RBFOX1: variants seen among roughly 807,000 people sequenced by gnomAD.
RBFOX1 encodes the protein RNA binding protein fox-1 homolog 1.
In RBFOX1, 8 loss-of-function variants were observed where a neutral mutation model predicts 57.7. The observed-to-expected ratio is 0.14, with a 90% confidence interval of 0.08 to 0.25. RBFOX1 has a LOEUF of 0.25. RBFOX1 is among the 10% of genes least tolerant of loss of function. The pLI is 1.00. For synonymous variants in RBFOX1, 326 were observed against 222.4 expected, an observed-to-expected ratio of 1.47 and a Z score of -4.15; for missense variants, 611 against 548.5, an observed-to-expected ratio of 1.11 and a Z score of -1.14.
At chr16:5,613,519 G>A (rs1011831213) in intron 3 of RBFOX1, among the ~76,000 whole-genome samples, 24 of 152,150 alleles carry the variant, frequency 1.6e-4, no homozygotes, top group African/African-American at 5.8e-4. Context: ...GAGGGCAGAG[G>A]GGAATGAGAG....
chr16:7,082,551 G>C (rs546869342), intron 4 of RBFOX1, among the ~76,000 whole-genome samples: 2 of 149,422 alleles, frequency 1.3e-5, no homozygotes, highest in Non-Finnish European at 3.0e-5. Context: ...GACAGAGTGA[G>C]ACCATGTCTC....
chr16:7,458,764 C>G lies in RBFOX1; in HGVS notation c.28-59383C>G, dbSNP rs571107626. On this transcript the variant is annotated intron_variant, in intron 4 of 15. Transcript: ENST00000550418. ...TTCAGATAAGACCTCCTTGACTCCT[C>G]CATTAAAATCAGACCCCCTCTTCAC... Among the ~76,000 whole-genome samples, 14 of 152,264 alleles carry G rather than the reference C, an allele frequency of 9.2e-5. No homozygotes were observed. The South Asian group carries it at 2.3e-3, about 25-fold the overall frequency.
At chr16:5,269,313 AGCATCTTTTCATGTGCTTATTG>A (rs1198973863) in intron 1 of RBFOX1, among the ~76,000 whole-genome samples, 1 of 152,250 alleles carries the variant, frequency 6.6e-6, no homozygotes, top group Non-Finnish European at 1.5e-5. Context: ...AATTTCATTG[AGCATCTTTTCATGTGCTTATTG>A]GCCACTTATA....
At chr16:5,742,023 G>C (rs1197856412) in intron 3 of RBFOX1, among the ~76,000 whole-genome samples, 1 of 152,106 alleles carries the variant, frequency 6.6e-6, no homozygotes, top group Non-Finnish European at 1.5e-5. Flanking sequence ...GAGAATTTTA[G>C]AAATAAGAGA....
In RBFOX1 at chr16:6,019,840, C is replaced by A; in HGVS notation, c.-279C>A. 6.6e-7 allele frequency: 1 copy of A among 1,524,696 alleles called. No individual in the cohort carries two copies. The highest frequency in any genetic ancestry group is 8.8e-7 in the Non-Finnish European group (1 of 1,140,394). 94.4% of individuals were successfully genotyped at this position (1,524,696 alleles called of 1,614,324 possible). ...GGCGCGCCAGGGCGGGGCTGACCTG[C>A]CCGCGAAGTTGCGGACAGTGCGTGA... On this transcript the variant is annotated 5_prime_UTR_variant, in exon 1 of 16. Coordinates refer to ENST00000550418, the MANE Select transcript of RBFOX1 (RefSeq NM_018723.4). This position sits in a 1 kb window ranked among gnomAD's most constrained non-coding sequence, Gnocchi z 4.2.
intron 2 of RBFOX1, among the ~76,000 whole-genome samples, chr16:5,557,440 G>T (rs1282695271): frequency 1.3e-5 from 2 of 152,026 alleles, no homozygotes; most frequent in Non-Finnish European, 2.9e-5. Flanking sequence ...AATAAACAGG[G>T]TAACAAAACT....
At position 7,373,347 on chromosome 16, in the gene RBFOX1, A is replaced by G. The variant is rs189081900; in HGVS notation, c.28-144800A>G. ...TCACAATACATGTTATAGTAAAGACAGTCTTTTGAAGCAAAGCTACAGGTA... is the reference window on the plus strand; with the variant it reads ...TCACAATACATGTTATAGTAAAGACGGTCTTTTGAAGCAAAGCTACAGGTA... On this transcript the variant is annotated intron_variant, in intron 4 of 15. Coordinates refer to ENST00000550418, the MANE Select transcript of RBFOX1 (RefSeq NM_018723.4). 2.4e-3 allele frequency among the ~76,000 whole-genome samples: 363 copies of G among 152,326 alleles called. 2 individuals carry two copies. Among genetic ancestry groups the G allele is most frequent in the African/African-American group, 8.2e-3 (342 of 41,590 alleles).
intron 3 of RBFOX1, among the ~76,000 whole-genome samples, chr16:5,855,112 T>G (rs2056992444): frequency 6.6e-6 from 1 of 152,254 alleles, no homozygotes; most frequent in South Asian, 2.1e-4. Flanking sequence ...GTGCCTCATA[T>G]ATTTTGAATA....
intron 4 of RBFOX1, among the ~76,000 whole-genome samples, chr16:7,383,718 A>G (rs983538602): frequency 2.6e-5 from 4 of 152,228 alleles, no homozygotes; most frequent in African/African-American, 7.2e-5. Context: ...ACGCCTATTC[A>G]AAGGGTATTC....
chr16:5,381,219 G>T (rs76065136), intron 1 of RBFOX1, among the ~76,000 whole-genome samples: 12 of 152,212 alleles, frequency 7.9e-5, no homozygotes, highest in African/African-American at 2.7e-4. Flanking sequence ...TCAGTAAAAG[G>T]CAGGGCAGAC....
intron 1 of RBFOX1, among the ~76,000 whole-genome samples, chr16:6,151,238 G>C (rs1451190429): frequency 2.0e-5 from 3 of 152,124 alleles, no homozygotes; most frequent in Non-Finnish European, 4.4e-5. Context: ...GGAACCCCGC[G>C]ACACCATTTG....
intron 2 of RBFOX1, among the ~76,000 whole-genome samples, chr16:6,431,260 A>G (rs979920980): frequency 6.6e-6 from 1 of 152,026 alleles, no homozygotes; most frequent in East Asian, 1.9e-4. Flanking sequence ...AGGAGGGAGA[A>G]TAGAGGATCC....
chr16:6,800,279 C>A (rs529962336), intron 3 of RBFOX1, among the ~76,000 whole-genome samples: 1 of 150,440 alleles, frequency 6.6e-6, no homozygotes, highest in East Asian at 1.9e-4. Context: ...AAACCCAGCA[C>A]CCTGGAAACA....
intron 2 of RBFOX1, among the ~76,000 whole-genome samples, chr16:6,330,761 G>T (rs1238609475): frequency 6.6e-6 from 1 of 152,194 alleles, no homozygotes; most frequent in African/African-American, 2.4e-5. Context: ...CACAGTGAGT[G>T]CTGCAATGTA....
intron 1 of RBFOX1, among the ~76,000 whole-genome samples, chr16:6,130,688 C>G (rs913005594): frequency 2.6e-5 from 4 of 152,128 alleles, no homozygotes; most frequent in African/African-American, 9.6e-5. Context: ...AAAACTATAT[C>G]CCATATGAAT....
intron 3 of RBFOX1, among the ~76,000 whole-genome samples, chr16:5,856,466 A>C (rs560638711): frequency 1.2e-4 from 17 of 137,306 alleles, no homozygotes; most frequent in East Asian, 6.3e-4. Context: ...CATTAATGAG[A>C]TCCTCAGAGC....
At chr16:7,603,276 C>G (rs1228165430) in intron 9 of RBFOX1, among the ~76,000 whole-genome samples, 2 of 152,112 alleles carry the variant, frequency 1.3e-5, no homozygotes, top group East Asian at 1.9e-4. Flanking sequence ...AACTATATTC[C>G]TTTAGTTTCT....
chr16:5,902,667 C>G (rs896735227), intron 4 of RBFOX1, among the ~76,000 whole-genome samples: 1 of 152,148 alleles, frequency 6.6e-6, no homozygotes, highest in Non-Finnish European at 1.5e-5. Flanking sequence ...CTGCATACCT[C>G]GGCCTCCCAA....
chr16:6,499,383 A>C (rs1034372969), intron 2 of RBFOX1, among the ~76,000 whole-genome samples: 3 of 152,190 alleles, frequency 2.0e-5, no homozygotes, highest in East Asian at 1.9e-4. Flanking sequence ...GTGTAAAAAA[A>C]AAAGGTATGA....
Sources: allele counts gnomAD v4.1 joint callset (sites outside exome capture counted in the v4.1 genomes callset), GRCh38; gene constraint gnomAD v4.1.1; non-coding constraint Gnocchi (gnomAD v3.1); transcripts MANE v1.5; gene names NCBI Gene and HGNC (gene_info 2026-07-23, HGNC 2026-07-21).